KLHL1: variants seen among roughly 807,000 people sequenced by gnomAD.
KLHL1 encodes the protein kelch like family member 1, also known as kelch-like protein 1.
A neutral mutation model predicts 77.7 loss-of-function variants in KLHL1; 47 were observed. The ratio of observed to expected loss-of-function variants is 0.60; its 90% CI spans 0.48 to 0.77. KLHL1 has a LOEUF of 0.77. Ranked by LOEUF, KLHL1 falls within the 30% of genes least tolerant of loss-of-function variation. The probability of loss-of-function intolerance (pLI) is 0.00; values close to 1 mark genes in which losing one functional copy is unlikely to be tolerated. For missense variants in KLHL1, 925 were observed against 910.8 expected (o/e 1.02, Z -0.20); for synonymous variants, 360 against 325.2 (o/e 1.11, Z -1.15).
At chr13:70,077,626 G>A (rs1032927005) in intron 1 of KLHL1, among the ~76,000 whole-genome samples, 7 of 152,008 alleles carry the variant, frequency 4.6e-5, no homozygotes, top group Admixed American at 4.6e-4. Context: ...TTCATCAATT[G>A]TAATAAGTGT....
chr13:69,799,486 C>T (rs1467007538), intron 6 of KLHL1, among the ~76,000 whole-genome samples: 1 of 152,168 alleles, frequency 6.6e-6, no homozygotes, highest in Non-Finnish European at 1.5e-5. Flanking sequence ...TACAGTTTTT[C>T]CTGTAACTTC....
chr13:70,048,508 A>G (rs1886552175), intron 1 of KLHL1, among the ~76,000 whole-genome samples: 1 of 152,220 alleles, frequency 6.6e-6, no homozygotes, highest in African/African-American at 2.4e-5. Flanking sequence ...AAACCTGTTG[A>G]CCAGCAGTCT....
At chr13:69,721,536 T>G in intron 8 of KLHL1, among the ~76,000 whole-genome samples, 1 of 152,150 alleles carries the variant, frequency 6.6e-6, no homozygotes, top group East Asian at 1.9e-4. Flanking sequence ...CAATATAATA[T>G]ATTTATAAGT....
intron 4 of KLHL1, among the ~76,000 whole-genome samples, chr13:69,936,901 G>A (rs1183638167): frequency 6.6e-6 from 1 of 152,096 alleles, no homozygotes; most frequent in Non-Finnish European, 1.5e-5. Flanking sequence ...AAATAGCTTT[G>A]ATCACTCGCT....
chr13:70,042,659 CTA>C (rs1886404606), intron 1 of KLHL1, among the ~76,000 whole-genome samples: 1 of 152,078 alleles, frequency 6.6e-6, no homozygotes, highest in African/African-American at 2.4e-5. Flanking sequence ...TAATCAATGA[CTA>C]TGTCACTATT....
intron 8 of KLHL1, among the ~76,000 whole-genome samples, chr13:69,739,598 C>A (rs1223923380): frequency 6.6e-6 from 1 of 152,136 alleles, no homozygotes; most frequent in Non-Finnish European, 1.5e-5. Context: ...GGGTTGCAAT[C>A]CTAGTTTCTG....
chr13:69,858,730 A>C (rs1423788504), intron 5 of KLHL1, among the ~76,000 whole-genome samples: 2 of 152,108 alleles, frequency 1.3e-5, no homozygotes, highest in African/African-American at 4.8e-5. Flanking sequence ...CAATGTACTG[A>C]AGATAGGTGA....
chr13:69,876,800 G>T (rs1880782778), intron 5 of KLHL1, among the ~76,000 whole-genome samples: 1 of 152,170 alleles, frequency 6.6e-6, no homozygotes, highest in South Asian at 2.1e-4. Context: ...CACTTTGGGA[G>T]GCCGAGGCGG....
chr13:69,751,112 A>ATGTGTGTGTGTGTGTG (rs56689981), intron 7 of KLHL1, among the ~76,000 whole-genome samples: 13 of 141,092 alleles, frequency 9.2e-5, no homozygotes, highest in African/African-American at 3.1e-4. Context: ...TCATGTGTGT[A>ATGTGTGTGTGTGTGTG]TGTGTGTGTG....
At chr13:69,792,175 G>A (rs1876902452) in intron 7 of KLHL1, among the ~76,000 whole-genome samples, 1 of 151,952 alleles carries the variant, frequency 6.6e-6, no homozygotes, top group Admixed American at 6.6e-5. Context: ...TCTGATAGAG[G>A]CCTTCTAACC....
At chr13:69,826,415 T>G (rs1414989198) in intron 6 of KLHL1, among the ~76,000 whole-genome samples, 1 of 152,144 alleles carries the variant, frequency 6.6e-6, no homozygotes, top group East Asian at 1.9e-4. Context: ...TAAAATTTTG[T>G]GTCCACTAAA....
intron 7 of KLHL1, among the ~76,000 whole-genome samples, chr13:69,757,718 G>A (rs569217470): frequency 6.6e-6 from 1 of 152,182 alleles, no homozygotes. Context: ...TTGGGAGGCC[G>A]AGGCCAGAGG....
intron 3 of KLHL1, among the ~76,000 whole-genome samples, chr13:69,958,680 C>T (rs1883967870): frequency 6.6e-6 from 1 of 151,654 alleles, no homozygotes; most frequent in African/African-American, 2.4e-5. Context: ...AATTAACTAT[C>T]AATCATTGAC....
chr13:69,993,661 C>T (rs931320634), intron 1 of KLHL1, among the ~76,000 whole-genome samples: 4 of 152,038 alleles, frequency 2.6e-5, no homozygotes, highest in Non-Finnish European at 2.9e-5. Flanking sequence ...TCCCTTCAGG[C>T]CTAGAGGTAG....
rs556846806 is a variant in KLHL1, at chr13:69,891,187, T to C, written c.1015-8692A>G. Among the ~76,000 whole-genome samples the C allele has an allele frequency of 7.2e-5, 11 of 152,208 alleles. 1 individual carries two copies. The highest frequency in any genetic ancestry group is 1.5e-4 in the Non-Finnish European group (10 of 67,938). On this transcript the variant is annotated intron_variant, in intron 4 of 10. Transcript: ENST00000377844. The stretch of plus-strand genomic sequence containing the variant: ...CGAGTTTTCCTTACCTAGAGCAAAA[T>C]TACCTAGATACAACTCTGCCGGACT...
chr13:70,107,496 GA>G lies in KLHL1; in HGVS notation c.203del (p.Phe68SerfsTer25). On this transcript the variant is annotated frameshift_variant, in exon 1 of 11. Transcript: ENST00000377844. LOFTEE classifies it high-confidence loss of function. ...AGGAAGAGGAGGAAGGCTTCTTCCA[GA>G]AAGTGCTCACACCGCTTCTCTCTTG... ...KSQERSGVST[F>X]WKKPSSSSSS... The G allele has an allele frequency of 1.9e-6, 3 of 1,611,038 alleles. No individual in the cohort carries two copies. Among genetic ancestry groups the G allele is most frequent in the Non-Finnish European group, 2.5e-6 (3 of 1,179,768 alleles).
intron 4 of KLHL1, among the ~76,000 whole-genome samples, chr13:69,887,559 C>A (rs975537672): frequency 2.6e-5 from 4 of 152,164 alleles, no homozygotes; most frequent in Non-Finnish European, 5.9e-5. Context: ...TTAGAGATTT[C>A]TTTTGCCAAG....
intron 3 of KLHL1, among the ~76,000 whole-genome samples, chr13:69,949,131 T>C (rs939898247): frequency 6.6e-6 from 1 of 151,980 alleles, no homozygotes; most frequent in Admixed American, 6.6e-5. Flanking sequence ...GATATACGTG[T>C]TATATTAATG....
At chr13:69,757,977 AAAAAAAT>A in intron 7 of KLHL1, among the ~76,000 whole-genome samples, 1 of 147,312 alleles carries the variant, frequency 6.8e-6, no homozygotes, top group African/African-American at 2.5e-5. Context: ...AAAAAAAAAA[AAAAAAAT>A]CACAGGCCAT....
Sources: allele counts gnomAD v4.1 joint callset (sites outside exome capture counted in the v4.1 genomes callset), GRCh38; gene constraint gnomAD v4.1.1; transcripts MANE v1.5; gene names NCBI Gene and HGNC (gene_info 2026-07-23, HGNC 2026-07-21).